NALF1: variants seen among roughly 807,000 people sequenced by gnomAD.
NALF1 encodes the protein NALCN channel auxiliary factor 1.
A neutral mutation model predicts 48.4 loss-of-function variants in NALF1; 3 were observed. The ratio of observed to expected loss-of-function variants is 0.06; its 90% CI spans 0.03 to 0.16. The LOEUF (loss-of-function observed/expected upper bound fraction) is 0.16. Among genes scored for constraint, NALF1 ranks in the 10% least tolerant of loss-of-function variants. The pLI is 1.00. For synonymous variants in NALF1, 262 were observed against 245.7 expected (o/e 1.07, Z -0.62); for missense variants, 526 against 571.5 (o/e 0.92, Z 0.81).
intron 1 of NALF1, among the ~76,000 whole-genome samples, chr13:107,627,783 A>C (rs995195482): frequency 6.6e-6 from 1 of 152,076 alleles, no homozygotes; most frequent in East Asian, 1.9e-4. Flanking sequence ...AGAAAGTAAA[A>C]TTTGACTGCA....
intron 1 of NALF1, among the ~76,000 whole-genome samples, chr13:107,827,346 C>T (rs1879551241): frequency 6.6e-6 from 1 of 152,148 alleles, no homozygotes; most frequent in African/African-American, 2.4e-5. Context: ...GATTATGGTT[C>T]ATCTGACCTG....
intron 1 of NALF1, among the ~76,000 whole-genome samples, chr13:107,798,155 G>T (rs983441882): frequency 6.6e-6 from 1 of 152,200 alleles, no homozygotes; most frequent in African/African-American, 2.4e-5. Context: ...AATATGGGGC[G>T]CTACGGCATC....
chr13:107,640,747 TTA>T (rs1321106112), intron 1 of NALF1, among the ~76,000 whole-genome samples: 1 of 152,212 alleles, frequency 6.6e-6, no homozygotes, highest in Non-Finnish European at 1.5e-5. Context: ...GGTATTTGTG[TTA>T]TATCACTCTG....
intron 1 of NALF1, among the ~76,000 whole-genome samples, chr13:107,593,589 C>T (rs1463364338): frequency 1.3e-5 from 2 of 151,812 alleles, no homozygotes; most frequent in African/African-American, 4.8e-5. Context: ...AGTCTATCTC[C>T]CCAAATTTTG....
At chr13:107,684,958 G>T (rs1220252929) in intron 1 of NALF1, among the ~76,000 whole-genome samples, 1 of 152,142 alleles carries the variant, frequency 6.6e-6, no homozygotes, top group Non-Finnish European at 1.5e-5. Context: ...CAGGACTCCT[G>T]TGAGTCTGGG....
At chr13:107,548,914 T>C (rs956971224) in intron 1 of NALF1, among the ~76,000 whole-genome samples, 7 of 152,160 alleles carry the variant, frequency 4.6e-5, no homozygotes, top group Admixed American at 3.9e-4. Flanking sequence ...ATAAGTATTA[T>C]GCAGTTTCTG....
At chr13:107,468,759 A>AT (rs1190837146) in intron 1 of NALF1, among the ~76,000 whole-genome samples, 1 of 152,196 alleles carries the variant, frequency 6.6e-6, no homozygotes, top group Admixed American at 6.5e-5. Flanking sequence ...ATAATGGGTG[A>AT]TTTTAACATT....
chr13:107,345,247 G>C (rs148444797), intron 1 of NALF1, among the ~76,000 whole-genome samples: 1 of 152,182 alleles, frequency 6.6e-6, no homozygotes, highest in Non-Finnish European at 1.5e-5. Context: ...GCAATCTATA[G>C]ATTCAATGCA....
At chr13:107,724,622 C>T (rs1283377334) in intron 1 of NALF1, among the ~76,000 whole-genome samples, 1 of 144,334 alleles carries the variant, frequency 6.9e-6, no homozygotes, top group African/African-American at 2.5e-5. Context: ...AGTACAGTGG[C>T]ATGATCTCGG....
intron 1 of NALF1, among the ~76,000 whole-genome samples, chr13:107,746,961 G>C (rs1407130138): frequency 1.3e-5 from 2 of 152,156 alleles, no homozygotes; most frequent in Non-Finnish European, 2.9e-5. Context: ...GACACAAGGA[G>C]AGAAAGCTTC....
chr13:107,416,093 G>T (rs138565485), intron 1 of NALF1, among the ~76,000 whole-genome samples: 1 of 150,982 alleles, frequency 6.6e-6, no homozygotes, highest in Admixed American at 6.6e-5. Flanking sequence ...TGCAAGCTCC[G>T]CCTCCTGGGT....
At chr13:107,760,108 A>G (rs1209957074) in intron 1 of NALF1, among the ~76,000 whole-genome samples, 1 of 152,262 alleles carries the variant, frequency 6.6e-6, no homozygotes, top group Non-Finnish European at 1.5e-5. Context: ...AGCAAACCTT[A>G]GCAAGTTATG....
chr13:107,627,303 C>T (rs1246860090), intron 1 of NALF1, among the ~76,000 whole-genome samples: 1 of 152,062 alleles, frequency 6.6e-6, no homozygotes, highest in Admixed American at 6.6e-5. Context: ...AAGCACTACA[C>T]CAGCTTGATT....
At chr13:107,370,358 T>C (rs1235023631) in intron 1 of NALF1, among the ~76,000 whole-genome samples, 1 of 152,186 alleles carries the variant, frequency 6.6e-6, no homozygotes, top group Non-Finnish European at 1.5e-5. Flanking sequence ...TGGAGTTTGC[T>C]TGGAGAGTAC....
chr13:107,644,646 C>CATATATATATAT (rs58981652), intron 1 of NALF1, among the ~76,000 whole-genome samples: 142 of 108,242 alleles, frequency 1.3e-3, no homozygotes, highest in African/African-American at 1.7e-3. Context: ...TACATACATA[C>CATATATATATAT]ATATATATAT....
intron 1 of NALF1, among the ~76,000 whole-genome samples, chr13:107,253,982 C>A (rs1594090985): frequency 1.3e-5 from 2 of 151,948 alleles, no homozygotes; most frequent in East Asian, 3.9e-4. Context: ...TTTATGATGG[C>A]AAACACTTTG....
rs142673700 is a variant in NALF1, at chr13:107,680,044, C to T, written c.915+185638G>A. ...GTGGCCATCAGAAGGGGTGGGAGAC[C>T]TCCCAAGCATGGCTGCTTCAGAGTC... On this transcript the variant is annotated intron_variant, in intron 1 of 2. Transcript: ENST00000375915. Among the ~76,000 whole-genome samples the T allele has an allele frequency of 2.2e-4, 33 of 152,228 alleles. No homozygotes were observed. In the East Asian group the frequency reaches 3.3e-3, roughly 15 times the overall value.
intron 1 of NALF1, among the ~76,000 whole-genome samples, chr13:107,514,933 A>G (rs1387333990): frequency 2.0e-5 from 3 of 152,198 alleles, no homozygotes; most frequent in Admixed American, 6.5e-5. Context: ...TTTATTTAAC[A>G]AGTATTTATC....
intron 1 of NALF1, among the ~76,000 whole-genome samples, chr13:107,373,560 G>T (rs558706191): frequency 6.6e-6 from 1 of 152,062 alleles, no homozygotes; most frequent in African/African-American, 2.4e-5. Flanking sequence ...ACAGCCAATG[G>T]GTCCAGCTGT....
Sources: allele counts gnomAD v4.1 joint callset (sites outside exome capture counted in the v4.1 genomes callset), GRCh38; gene constraint gnomAD v4.1.1; transcripts MANE v1.5; gene names NCBI Gene and HGNC (gene_info 2026-07-23, HGNC 2026-07-21).